FMO5: variants seen among roughly 807,000 people sequenced by gnomAD.
The protein encoded by FMO5 is flavin containing dimethylaniline monoxygenase 5, also known as flavin-containing monooxygenase 5.
In FMO5, 51 loss-of-function variants were observed where a neutral mutation model predicts 43.6. The observed-to-expected ratio is 1.17, with a 90% CI of 0.93 to 1.48. FMO5 has a LOEUF of 1.48. Among genes scored for constraint, FMO5 ranks in the 40% most tolerant of loss-of-function variants. The pLI, the probability that FMO5 is intolerant of heterozygous loss-of-function variation, is 0.00. For synonymous variants in FMO5, 187 were observed against 216.5 expected, an observed-to-expected ratio of 0.86 and a Z score of 1.20; for missense variants, 644 against 643.0, an observed-to-expected ratio of 1.00 and a Z score of -0.02.
At chr1:147,217,445 C>T (rs1662214019) in intron 2 of FMO5, among the ~76,000 whole-genome samples, 1 of 151,934 alleles carries the variant, frequency 6.6e-6, no homozygotes, top group Non-Finnish European at 1.5e-5. Flanking sequence ...TCTCCTCCTC[C>T]CTTTTTATTC....
At chr1:147,218,426 A>AT (rs1662398827) in intron 2 of FMO5, among the ~76,000 whole-genome samples, 1 of 91,578 alleles carries the variant, frequency 1.1e-5, no homozygotes, top group South Asian at 4.2e-4. Context: ...TTTAGTAGAG[A>AT]CGGGTTTCAC....
At chr1:147,193,761 T>A (rs1553919083) in intron 7 of FMO5, among the ~76,000 whole-genome samples, 1 of 152,210 alleles carries the variant, frequency 6.6e-6, no homozygotes, top group African/African-American at 2.4e-5. Flanking sequence ...CGTTTCGTTA[T>A]GTACCCAGTA....
intron 4 of FMO5, among the ~76,000 whole-genome samples, 173 bp downstream of exon 4, chr1:147,213,135 A>G (rs1434391708): frequency 4.6e-5 from 7 of 152,210 alleles, no homozygotes; most frequent in Non-Finnish European, 8.8e-5. Flanking sequence ...CTCCAAAATT[A>G]CAAAAATGGC....
At chr1:147,198,891 C>T (rs587768752) in intron 7 of FMO5, among the ~76,000 whole-genome samples, 1 of 148,656 alleles carries the variant, frequency 6.7e-6, no homozygotes, top group East Asian at 2.0e-4. Flanking sequence ...AAAGATGGGC[C>T]TGAAATTGGA....
Position 147,224,880 on chromosome 1 carries a change from A to G in FMO5, c.135+15T>C. The G allele has an allele frequency of 6.2e-7, 1 of 1,611,682 alleles. No homozygotes were observed. The highest frequency in any genetic ancestry group is 1.1e-5 in the South Asian group (1 of 91,034). Reference sequence around the variant, plus strand: ...GGAGGGTTTCAAGTATTAAGGGACTAGGAGATGTATGTACCTGGAACCTCC... The same window carrying G: ...GGAGGGTTTCAAGTATTAAGGGACTGGGAGATGTATGTACCTGGAACCTCC... On this transcript the variant is annotated intron_variant, in intron 2 of 8. Coordinates refer to ENST00000254090, the MANE Select transcript of FMO5 (RefSeq NM_001461.4).
intron 7 of FMO5, among the ~76,000 whole-genome samples, chr1:147,194,278 T>C (rs1657506884): frequency 6.6e-6 from 1 of 152,188 alleles, no homozygotes; most frequent in Non-Finnish European, 1.5e-5. Context: ...TCTTTGTCTC[T>C]TTAGATCTTT....
chr1:147,209,008 A>G lies in FMO5; in HGVS notation c.674T>C (p.Val225Ala), dbSNP rs782247603. Residue 225 changes from valine to alanine, a missense_variant, in exon 6 of 9, where the codon GTA (valine) becomes GCA (alanine). By Grantham distance (64) the Val-to-Ala change is moderately conservative. Transcript: ENST00000254090. Reference protein sequence around the residue: ...TRRGAWILNRVGDYGYPADVL... With the variant: ...TRRGAWILNRAGDYGYPADVL... Reference sequence around the variant, plus strand: ...ATCAGCAGGATATCCGTAGTCCCCTACACGATTCAGGATCCAAGCCCCTCT... The same window carrying G: ...ATCAGCAGGATATCCGTAGTCCCCTGCACGATTCAGGATCCAAGCCCCTCT... 3 of 1,614,188 alleles carry G rather than the reference A, an allele frequency of 1.9e-6. No homozygotes were observed. The highest frequency in any genetic ancestry group is 2.5e-6 in the Non-Finnish European group (3 of 1,180,014).
chr1:147,203,663 G>T (rs1659451113), intron 6 of FMO5: 6 of 1,428,764 alleles, frequency 4.2e-6, no homozygotes, highest in Non-Finnish European at 5.9e-6. Context: ...TCCATATGAT[G>T]TGATCTGTTT....
chr1:147,191,405 G>A (rs587603183), intron 7 of FMO5, among the ~76,000 whole-genome samples: 189 of 152,186 alleles, frequency 1.2e-3, no homozygotes, highest in African/African-American at 4.5e-3. Context: ...ATCCCATTGT[G>A]GTTTTGATTT....
intron 7 of FMO5, among the ~76,000 whole-genome samples, chr1:147,194,693 A>G (rs368952445): frequency 0.036 from 5,455 of 151,752 alleles, 139 homozygotes; most frequent in South Asian, 0.092. Flanking sequence ...GCTCTTTTAG[A>G]GCAGGCCTGG....
At chr1:147,212,283 T>C (rs1317423544) in intron 5 of FMO5, 110 bp downstream of exon 5, 2 of 1,137,720 alleles carry the variant, frequency 1.8e-6, no homozygotes, top group Non-Finnish European at 2.5e-6. Context: ...CCACTGGCAC[T>C]GAAGGGCTAT....
chr1:147,189,984 C>T (rs1656385639), intron 8 of FMO5, among the ~76,000 whole-genome samples, 193 bp downstream of exon 8: 1 of 152,144 alleles, frequency 6.6e-6, no homozygotes, highest in Non-Finnish European at 1.5e-5. Context: ...AAACTTTTCT[C>T]TCTTTTCTTA....
intron 2 of FMO5, among the ~76,000 whole-genome samples, chr1:147,216,218 C>T (rs587684406): frequency 2.0e-5 from 3 of 152,234 alleles, no homozygotes; most frequent in Admixed American, 6.5e-5. Context: ...TCAGAAAGCT[C>T]GCTCTGGTAG....
chr1:147,201,356 T>C lies in FMO5; in HGVS notation c.979A>G (p.Ile327Val). ...GSREDDIDAV[I>V]FATGYSFDFP... Reference sequence around the variant, plus strand: ...TCAAAGCTATAGCCTGTGGCAAAGATAACAGCATCAATGTCATCCTCCCTG... The same window carrying C: ...TCAAAGCTATAGCCTGTGGCAAAGACAACAGCATCAATGTCATCCTCCCTG... Residue 327 changes from isoleucine to valine, a missense_variant, in exon 7 of 9, where the codon ATC (isoleucine) becomes GTC (valine). Coordinates refer to ENST00000254090, the MANE Select transcript of FMO5 (RefSeq NM_001461.4). The C allele has an allele frequency of 6.2e-7, 1 of 1,614,198 alleles. No homozygotes were observed. The highest frequency in any genetic ancestry group is 8.5e-7 in the Non-Finnish European group (1 of 1,180,026).
chr1:147,222,872 T>C (rs1461299833), intron 2 of FMO5, among the ~76,000 whole-genome samples: 8 of 152,200 alleles, frequency 5.3e-5, no homozygotes, highest in Non-Finnish European at 7.3e-5. Flanking sequence ...CCATCCTCAA[T>C]TGATTTCATG....
At chr1:147,201,074 G>T in intron 7 of FMO5, 78 bp downstream of exon 7, 2 of 982,116 alleles carry the variant, frequency 2.0e-6, no homozygotes, top group Non-Finnish European at 3.1e-6. Flanking sequence ...GCTATCTCTA[G>T]CTATTTAAAA....
At chr1:147,194,669 T>C (rs587626622) in intron 7 of FMO5, among the ~76,000 whole-genome samples, 2 of 152,282 alleles carry the variant, frequency 1.3e-5, no homozygotes, top group Admixed American at 6.5e-5. Context: ...CCATGTTTAG[T>C]GCTTCCTTCA....
intron 8 of FMO5, among the ~76,000 whole-genome samples, chr1:147,188,509 T>G: frequency 1.9e-5 from 2 of 103,768 alleles, no homozygotes; most frequent in South Asian, 3.2e-4. Flanking sequence ...GGTAACAGAG[T>G]GAGACCCCAT....
chr1:147,219,790 T>C (rs1662671017), intron 2 of FMO5, among the ~76,000 whole-genome samples: 3 of 148,944 alleles, frequency 2.0e-5, no homozygotes, highest in South Asian at 4.2e-4. Context: ...AGTCAACAAG[T>C]GAGTACAGCA....
Sources: gnomAD v4.1 joint callset for allele counts (sites outside exome capture counted in the v4.1 genomes callset) on GRCh38, gnomAD v4.1.1 for gene constraint, MANE v1.5 for transcripts, NCBI Gene and HGNC (gene_info 2026-07-23, HGNC 2026-07-21) for gene names.